Variants in TSNARE1 observed in about 807,000 individuals in gnomAD.
TSNARE1 encodes the protein t-SNARE domain containing 1, also known as t-SNARE domain-containing protein 1.
A neutral mutation model predicts 62.0 loss-of-function variants in TSNARE1; 49 were observed. That is an observed-to-expected ratio of 0.79 (90% CI 0.63 to 1.00). TSNARE1 has a LOEUF of 1.00. Ranked by LOEUF, TSNARE1 falls within the 50% of genes least tolerant of loss-of-function variation. The pLI, the probability that TSNARE1 is intolerant of heterozygous loss-of-function variation, is 0.00. For synonymous variants in TSNARE1, 328 were observed against 294.4 expected (o/e 1.11, Z -1.17); for missense variants, 755 against 700.1 (o/e 1.08, Z -0.88).
chr8:142,259,533 G>A (rs954619732), intron 12 of TSNARE1, among the ~76,000 whole-genome samples: 2 of 152,168 alleles, frequency 1.3e-5, no homozygotes, highest in African/African-American at 2.4e-5. Flanking sequence ...ATCTGATCAC[G>A]AAAATGAGAT....
intron 1 of TSNARE1, among the ~76,000 whole-genome samples, chr8:142,384,468 A>G (rs1836976715): frequency 6.6e-6 from 1 of 152,246 alleles, no homozygotes; most frequent in African/African-American, 2.4e-5. Flanking sequence ...ATGGTAGGGC[A>G]TGAAATCAGA....
In TSNARE1 at chr8:142,259,990, T is replaced by C. The variant is rs947444700; in HGVS notation, c.1446+14791A>G. ...CTGGCCCCACCCTGCCCAGGTGCCC[T>C]CGGGCCGCAGAGGCCCAGGACTCAC... is the stretch of plus-strand genomic sequence containing the variant. On this transcript the variant is annotated intron_variant, in intron 12 of 13. Transcript: ENST00000524325. Among the ~76,000 whole-genome samples, 32 of 151,764 alleles carry C rather than the reference T, an allele frequency of 2.1e-4. 1 individual carries two copies. Among genetic ancestry groups the C allele is most frequent in the Non-Finnish European group, 1.0e-4 (7 of 67,944 alleles).
At chr8:142,366,440 C>G (rs1835555679) in intron 1 of TSNARE1, among the ~76,000 whole-genome samples, 1 of 152,094 alleles carries the variant, frequency 6.6e-6, no homozygotes, top group Admixed American at 6.5e-5. Flanking sequence ...TAAATAAAAT[C>G]CAAAACCCCC....
At chr8:142,256,226 TCAC>T (rs1316937179) in intron 12 of TSNARE1, among the ~76,000 whole-genome samples, 2,243 of 75,154 alleles carry the variant, frequency 0.03, 37 homozygotes, top group African/African-American at 0.076. Context: ...ACCATCACTA[TCAC>T]CACCACCACC....
intron 13 of TSNARE1, among the ~76,000 whole-genome samples, chr8:142,217,458 C>T (rs1165686738): frequency 1.3e-5 from 2 of 152,152 alleles, no homozygotes; most frequent in Non-Finnish European, 2.9e-5. Context: ...CTGCTGCTGT[C>T]CATGGTGCTG....
At chr8:142,278,778 GCAC>G (rs1820922114) in intron 11 of TSNARE1, 1 of 985,308 alleles carries the variant, frequency 1.0e-6, no homozygotes, top group Non-Finnish European at 1.2e-6. Flanking sequence ...TCACCGGACA[GCAC>G]CACGTGTGGG....
At chr8:142,375,222 C>T (rs140640746) in intron 1 of TSNARE1, among the ~76,000 whole-genome samples, 1 of 152,366 alleles carries the variant, frequency 6.6e-6, no homozygotes, top group African/African-American at 2.4e-5. Context: ...GAGAATGGGG[C>T]AGTCTCCCAG....
Position 142,284,071 on chromosome 8 carries a change from G to T in TSNARE1, c.1363+342C>A, listed in dbSNP as rs1319842448. 1.4e-5 allele frequency among the ~76,000 whole-genome samples: 2 copies of T among 141,454 alleles called. 1 individual carries two copies. The highest frequency in any genetic ancestry group is 1.4e-4 in the Admixed American group (2 of 14,440). The allele number at this position is 141,454 out of a possible 152,430, so 92.8% of individuals were successfully genotyped here. ...AGTGTCTGCCAATGAGCAGAGTGGGGGCTAGTGTCTGCCAATGAGCAGAGG... is the reference window on the plus strand; with the variant it reads ...AGTGTCTGCCAATGAGCAGAGTGGGTGCTAGTGTCTGCCAATGAGCAGAGG... On this transcript the variant is annotated intron_variant, in intron 11 of 13. Transcript: ENST00000524325.
At chr8:142,364,708 G>A (rs1397325885) in intron 1 of TSNARE1, among the ~76,000 whole-genome samples, 1 of 152,214 alleles carries the variant, frequency 6.6e-6, no homozygotes, top group Non-Finnish European at 1.5e-5. Flanking sequence ...ATCTAAAAAG[G>A]ACACAAGAAC....
chr8:142,248,448 T>C (rs1817998750), intron 12 of TSNARE1, among the ~76,000 whole-genome samples: 1 of 152,050 alleles, frequency 6.6e-6, no homozygotes, highest in Non-Finnish European at 1.5e-5. Flanking sequence ...CTCCTGGTGT[T>C]CTCTCTCTCT....
chr8:142,377,617 C>G (rs1196686751), intron 1 of TSNARE1, among the ~76,000 whole-genome samples: 1 of 152,200 alleles, frequency 6.6e-6, no homozygotes, highest in South Asian at 2.1e-4. Context: ...GATGCCAGCA[C>G]CTGCCATCGG....
At chr8:142,356,177 C>G (rs1234756150) in intron 1 of TSNARE1, among the ~76,000 whole-genome samples, 1 of 152,232 alleles carries the variant, frequency 6.6e-6, no homozygotes, top group Admixed American at 6.5e-5. Context: ...GCAGGCCCAG[C>G]AGGACAGCTG....
intron 3 of TSNARE1, among the ~76,000 whole-genome samples, 164 bp downstream of exon 3, chr8:142,345,579 C>T (rs1038475037): frequency 1.3e-5 from 2 of 152,200 alleles, no homozygotes; most frequent in African/African-American, 4.8e-5. Context: ...ACCCTTGACC[C>T]TACTCAGGGG....
rs1823717131 is a variant in TSNARE1, at chr8:142,291,382, A to G, written c.1291-6897T>C. On this transcript the variant is annotated intron_variant, in intron 10 of 13. Transcript: ENST00000524325. This position sits in a 1 kb window ranked among gnomAD's most constrained non-coding sequence, Gnocchi z 4.8. ...CCACCGTCATCTCTGACAAAATCAGAACGTAGGAGTGTTCACTCTCACAGA... is the reference window on the plus strand; with the variant it reads ...CCACCGTCATCTCTGACAAAATCAGGACGTAGGAGTGTTCACTCTCACAGA... 6.6e-6 allele frequency among the ~76,000 whole-genome samples: 1 copy of G among 152,090 alleles called. No homozygotes were observed. The highest frequency in any genetic ancestry group is 1.5e-5 in the Non-Finnish European group (1 of 68,028).
intron 12 of TSNARE1, among the ~76,000 whole-genome samples, chr8:142,244,623 T>C (rs73716171): frequency 0.014 from 2,117 of 152,264 alleles, 45 homozygotes; most frequent in African/African-American, 0.047. Flanking sequence ...GATTCTAAAA[T>C]ACGTATGGAA....
upstream of TSNARE1, chr8:142,403,823 C>T (rs1007773190): frequency 2.0e-5 from 3 of 152,270 alleles, no homozygotes; most frequent in African/African-American, 7.2e-5. Flanking sequence ...CCTGGGACCT[C>T]CTTCCGCAGG....
At chr8:142,256,194 CACCACCACCACTGTCACCAT>C (rs1423184388) in intron 12 of TSNARE1, among the ~76,000 whole-genome samples, 4 of 144,212 alleles carry the variant, frequency 2.8e-5, no homozygotes, top group Admixed American at 6.8e-5. Flanking sequence ...CCACCATCAT[CACCACCACCACTGTCACCAT>C]CACCATCACT....
At chr8:142,350,002 G>C (rs570774827) in intron 2 of TSNARE1, among the ~76,000 whole-genome samples, 1 of 141,374 alleles carries the variant, frequency 7.1e-6, no homozygotes, top group Non-Finnish European at 1.5e-5. Flanking sequence ...GGCAGGCAGG[G>C]CGGGCAAGGC....
intron 10 of TSNARE1, among the ~76,000 whole-genome samples, chr8:142,294,956 C>T (rs554564298): frequency 7.9e-5 from 12 of 152,298 alleles, no homozygotes; most frequent in African/African-American, 2.9e-4. Flanking sequence ...CACTCACCTC[C>T]GCGGCACCTG....
Sources: allele counts gnomAD v4.1 joint callset (sites outside exome capture counted in the v4.1 genomes callset), GRCh38; gene constraint gnomAD v4.1.1; non-coding constraint Gnocchi (gnomAD v3.1); transcripts MANE v1.5; gene names NCBI Gene and HGNC (gene_info 2026-07-23, HGNC 2026-07-21).